Variants in NTRK3 observed in about 807,000 individuals in gnomAD.
NTRK3 encodes neurotrophic receptor tyrosine kinase 3, also known as NT-3 growth factor receptor.
Under a neutral mutation model 91.7 loss-of-function variants are expected in NTRK3, and 24 were observed. The ratio of observed to expected loss-of-function variants is 0.26; its 90% confidence interval spans 0.19 to 0.37. NTRK3 has a LOEUF of 0.37. Among genes scored for constraint, NTRK3 ranks in the 10% least tolerant of loss-of-function variants. NTRK3 has a pLI of 1.00. For missense variants in NTRK3, 880 were observed against 1,068.9 expected (o/e 0.82, Z 2.46); for synonymous variants, 483 against 404.0 (o/e 1.20, Z -2.34).
At chr15:88,080,001 C>T (rs552083734) in intron 13 of NTRK3, among the ~76,000 whole-genome samples, 5 of 151,998 alleles carry the variant, frequency 3.3e-5, no homozygotes, top group South Asian at 2.1e-4. Flanking sequence ...TAACAAATAC[C>T]GTAAATATTT....
exon 19 of NTRK3, chr15:87,860,612 A>AATC: frequency 4.8e-6 from 1 of 206,978 alleles, no homozygotes; most frequent in Non-Finnish European, 9.9e-6. Flanking sequence ...ATGCAAATAA[A>AATC]ATCAGCATAG....
intron 3 of NTRK3, among the ~76,000 whole-genome samples, chr15:88,246,130 CTTG>C (rs2052793754): frequency 6.6e-6 from 1 of 152,188 alleles, no homozygotes; most frequent in African/African-American, 2.4e-5. Context: ...AGCTGATAAC[CTTG>C]TTAGTAGGAG....
chr15:87,867,319 T>A, exon 19 of NTRK3: 1 of 226,992 alleles, frequency 4.4e-6, no homozygotes, highest in East Asian at 6.3e-5. Flanking sequence ...CCCTGGCTTT[T>A]CCCTGGCCTT....
chr15:88,147,297 C>G (rs774527435), intron 6 of NTRK3, 38 bp downstream of exon 6: 3 of 1,583,876 alleles, frequency 1.9e-6, no homozygotes, highest in Non-Finnish European at 2.6e-6. Context: ...CCATTACCAG[C>G]ACTTCAGTAC....
intron 13 of NTRK3, among the ~76,000 whole-genome samples, chr15:88,125,574 T>C (rs2053200550): frequency 6.6e-6 from 1 of 151,146 alleles, no homozygotes; most frequent in South Asian, 2.1e-4. Flanking sequence ...CAGCCTCTCT[T>C]GAACCATTTG....
chr15:87,882,176 G>A (rs925951738), intron 17 of NTRK3, among the ~76,000 whole-genome samples: 1 of 152,116 alleles, frequency 6.6e-6, no homozygotes, highest in Non-Finnish European at 1.5e-5. Flanking sequence ...GATTACAGGC[G>A]TGAGCCACTT....
chr15:88,051,021 T>C (rs2080776629), intron 13 of NTRK3, among the ~76,000 whole-genome samples: 1 of 152,206 alleles, frequency 6.6e-6, no homozygotes, highest in African/African-American at 2.4e-5. Context: ...TTTAGGTGTG[T>C]CTTCATTCAT....
intron 10 of NTRK3, chr15:88,132,062 G>A (rs1053620993): frequency 1.6e-5 from 3 of 191,696 alleles, no homozygotes; most frequent in South Asian, 1.9e-4. Context: ...CAACCTTTAA[G>A]GTAAAAGCAG....
chr15:88,144,105 T>C (rs2042648538), intron 6 of NTRK3: 1 of 152,096 alleles, frequency 6.6e-6, no homozygotes, highest in Non-Finnish European at 1.5e-5. Flanking sequence ...TCTAAGACAA[T>C]CTCTCTGATT....
exon 19 of NTRK3, chr15:87,876,830 G>A (rs1200519565): frequency 3.1e-6 from 4 of 1,292,252 alleles, no homozygotes; most frequent in Non-Finnish European, 4.5e-6. Flanking sequence ...TTTATATGAA[G>A]ATGTTCGCTT....
intron 5 of NTRK3, among the ~76,000 whole-genome samples, chr15:88,147,916 A>G (rs2043030902): frequency 6.6e-6 from 1 of 152,102 alleles, no homozygotes; most frequent in Non-Finnish European, 1.5e-5. Flanking sequence ...TCTCCTCCTA[A>G]TGGCTATTTA....
At chr15:88,171,096 T>G (rs2045471708) in intron 5 of NTRK3, among the ~76,000 whole-genome samples, 1 of 152,158 alleles carries the variant, frequency 6.6e-6, no homozygotes, top group Admixed American at 6.5e-5. Context: ...AGGTGGACAG[T>G]TGACCAGATC....
rs143963095 is a variant in NTRK3 at position 88,001,377 on chromosome 15, T to C, written c.1585+31480A>G. ...TATATATATTTTTTCTTTTGTTACT[T>C]GTGTTTTTGGTGTCATATATAAGAA... On this transcript the variant is annotated intron_variant, in intron 14 of 18. Coordinates refer to ENST00000394480, the Ensembl canonical transcript of NTRK3. Among the ~76,000 whole-genome samples, 476 of 152,258 alleles carry C rather than the reference T, an allele frequency of 3.1e-3. 1 individual carries two copies. The highest frequency in any genetic ancestry group is 0.01 in the African/African-American group (427 of 41,564).
intron 13 of NTRK3, among the ~76,000 whole-genome samples, chr15:88,083,780 A>T (rs1293047655): frequency 6.6e-6 from 1 of 152,188 alleles, no homozygotes; most frequent in Non-Finnish European, 1.5e-5. Context: ...AGCAATTAAA[A>T]GGGCTTTAGG....
intron 14 of NTRK3, among the ~76,000 whole-genome samples, chr15:88,020,639 C>A (rs916366726): frequency 6.6e-6 from 1 of 152,076 alleles, no homozygotes; most frequent in Non-Finnish European, 1.5e-5. Context: ...ATTCTCCTAC[C>A]GCTTCATCTC....
chr15:87,940,714 C>T (rs1313486936), exon 15 of NTRK3: 8 of 1,614,018 alleles, frequency 5.0e-6, no homozygotes, highest in Non-Finnish European at 6.8e-6. Context: ...ACCCAGTTCT[C>T]GCTTCAGCAC....
chr15:88,010,027 A>G (rs187809368), intron 14 of NTRK3, among the ~76,000 whole-genome samples: 1 of 152,184 alleles, frequency 6.6e-6, no homozygotes, highest in Admixed American at 6.5e-5. Context: ...CTTGCCCCCA[A>G]ATCTCTTTCA....
chr15:87,925,824 T>C (rs779416041), intron 17 of NTRK3, among the ~76,000 whole-genome samples: 7 of 152,206 alleles, frequency 4.6e-5, no homozygotes, highest in African/African-American at 7.2e-5. Context: ...ATCCAGTTTA[T>C]CTTCTAGTGG....
intron 17 of NTRK3, chr15:87,927,067 C>T (rs1482433702): frequency 6.6e-6 from 1 of 152,208 alleles, no homozygotes; most frequent in Non-Finnish European, 1.5e-5. Context: ...AGAAAGACTC[C>T]TCTTTGATAT....
Sources: allele counts gnomAD v4.1 joint callset (sites outside exome capture counted in the v4.1 genomes callset), GRCh38; gene constraint gnomAD v4.1.1; transcripts MANE v1.5; gene names NCBI Gene and HGNC (gene_info 2026-07-23, HGNC 2026-07-21).